Variants in MAGEA11 observed in about 807,000 individuals in gnomAD.
MAGEA11 encodes MAGE family member A11.
MAGEA11 carries 1 observed loss-of-function variant against 8.4 expected under a neutral mutation model. The observed-to-expected ratio is 0.12, with a 90% confidence interval of 0.04 to 0.57. The LOEUF is 0.57. MAGEA11 is among the 20% of genes least tolerant of loss of function. MAGEA11 has a pLI of 0.91. For missense variants in MAGEA11, 209 were observed against 317.3 expected, an observed-to-expected ratio of 0.66 and a Z score of 2.59; for synonymous variants, 127 against 119.3, an observed-to-expected ratio of 1.06 and a Z score of -0.42.
At chrX:149,689,780 C>T (rs1235970017) in intron 1 of MAGEA11, among the ~76,000 whole-genome samples, 2 of 112,781 alleles carry the variant, frequency 1.8e-5, no homozygotes, top group Admixed American at 9.3e-5. Flanking sequence ...AACTGATAGC[C>T]CCCAATCTTT....
At chrX:149,697,742 C>T (rs1671187635) in intron 1 of MAGEA11, among the ~76,000 whole-genome samples, 1 of 111,671 alleles carries the variant, frequency 9.0e-6, no homozygotes, top group African/African-American at 3.3e-5. Flanking sequence ...GCATCCCAGC[C>T]ATGGCTAAAA....
upstream of MAGEA11, chrX:149,711,972 C>T: frequency 7.3e-6 from 5 of 687,197 alleles, no homozygotes; most frequent in Non-Finnish European, 8.6e-6. Flanking sequence ...CCCGCCTCGC[C>T]TCGCCCCGCC....
chrX:149,693,584 G>T (rs1332093203), intron 1 of MAGEA11, among the ~76,000 whole-genome samples: 1 of 111,551 alleles, frequency 9.0e-6, no homozygotes, highest in Non-Finnish European at 1.9e-5. Flanking sequence ...AAAAATACAT[G>T]TACCATAAAT....
intron 1 of MAGEA11, among the ~76,000 whole-genome samples, chrX:149,699,449 C>A (rs1488824625): frequency 8.9e-6 from 1 of 111,843 alleles, no homozygotes; most frequent in Non-Finnish European, 1.9e-5. Flanking sequence ...TTGGTGGCCA[C>A]CCCTAGAAGA....
chrX:149,708,853 A>G (rs1222998682), upstream of MAGEA11, among the ~76,000 whole-genome samples: 1 of 111,401 alleles, frequency 9.0e-6, no homozygotes, highest in East Asian at 2.8e-4. Flanking sequence ...TGGATTGAAG[A>G]TTTTTGATGC....
rs782425216 is a variant in MAGEA11 at position 149,715,912 on chromosome X, A to G, written c.426A>G (p.Gln142=). ...GCCTGGTGGGTGCACAGGCTCTCCA[A>G]GCTGAGGAGCAGGAGGCTGCCTTCT... The part of the protein sequence containing the change: ...DLGLVGAQAL[Q]AEEQEAAFFS... The change falls in exon 5 of 5, where the codon CAA becomes CAG. Residue 142 remains glutamine (Q), a synonymous_variant. Coordinates refer to ENST00000355220, the MANE Select transcript of MAGEA11 (RefSeq NM_005366.5). 4 of 1,209,702 alleles carry G rather than the reference A, an allele frequency of 3.3e-6. No individual in the cohort carries two copies. In the African/African-American group the frequency reaches 7.0e-5, roughly 21 times the overall value.
At chrX:149,707,144 A>G (rs1557361551), upstream of MAGEA11, among the ~76,000 whole-genome samples, 1 of 112,138 alleles carries the variant, frequency 8.9e-6, no homozygotes, top group African/African-American at 3.2e-5. Flanking sequence ...GTTTGGAAAG[A>G]TTGAAAATTC....
At chrX:149,693,849 C>T (rs888524420) in intron 1 of MAGEA11, among the ~76,000 whole-genome samples, 2 of 112,072 alleles carry the variant, frequency 1.8e-5, no homozygotes, top group East Asian at 5.6e-4. Context: ...TGTCTTCTTT[C>T]ACTTACCATA....
At chrX:149,695,995 G>A (rs941006647) in intron 1 of MAGEA11, among the ~76,000 whole-genome samples, 6 of 111,044 alleles carry the variant, frequency 5.4e-5, no homozygotes, top group Non-Finnish European at 1.1e-4. Flanking sequence ...GAAACACCAC[G>A]TCTGGATTAG....
chrX:149,714,309 G>T, intron 2 of MAGEA11, 172 bp from the exon 3 acceptor site: 1 of 676,184 alleles, frequency 1.5e-6, no homozygotes, highest in East Asian at 3.6e-5. Context: ...CATCTCAGGG[G>T]TTGGGAGTCA....
In MAGEA11 at chrX:149,713,093, G is replaced by GC. The variant is rs368893040; in HGVS notation, c.-17-41dup. 6,488 of 795,979 alleles carry GC rather than the reference G, an allele frequency of 8.2e-3. 73 individuals carry two copies. Among genetic ancestry groups the GC allele is most frequent in the African/African-American group, 0.06 (2,856 of 47,700 alleles). 65.6% of individuals were successfully genotyped at this position (795,979 alleles called of 1,213,427 possible). ...TGAAGGGACCCAGCACCCCAGAACA[G>GC]CCCCCCCCCATAGTCCCGCCGTCTC... is the stretch of plus-strand genomic sequence containing the variant. On this transcript the variant is annotated intron_variant, in intron 1 of 4. Transcript: ENST00000355220.
chrX:149,689,093 T>C, intron 1 of MAGEA11: 1 of 713,459 alleles, frequency 1.4e-6, no homozygotes, highest in Non-Finnish European at 2.0e-6. Flanking sequence ...CCAGATGATG[T>C]TCCCAGCTCA....
intron 2 of MAGEA11, 59 bp from the exon 3 acceptor site, chrX:149,714,422 C>A: frequency 1.7e-6 from 2 of 1,184,406 alleles, no homozygotes; most frequent in Non-Finnish European, 2.3e-6. Context: ...CCCTGGACAA[C>A]CACATGATGG....
intron 1 of MAGEA11, among the ~76,000 whole-genome samples, chrX:149,703,502 G>A (rs1340659354): frequency 9.0e-6 from 1 of 111,194 alleles, no homozygotes; most frequent in Admixed American, 9.5e-5. Flanking sequence ...AGAGCTCTGG[G>A]GTGTGAGATT....
upstream of MAGEA11, among the ~76,000 whole-genome samples, chrX:149,688,524 C>T (rs2090295868): frequency 9.0e-6 from 1 of 111,260 alleles, no homozygotes; most frequent in African/African-American, 3.3e-5. Flanking sequence ...GAAGCTGCTT[C>T]GGGAACCAAA....
Position 149,715,649 on chromosome X carries a change from A to G in MAGEA11, c.238A>G (p.Thr80Ala), listed in dbSNP as rs150840682. The change falls in exon 4 of 5, where the codon ACC becomes GCC. Residue 80 changes from threonine (T) to alanine (A), a missense_variant. Physicochemically the swap from Thr to Ala is moderately conservative, Grantham distance 58. Around this residue, in one of 2 missense-constraint regions of MAGEA11, gnomAD observed 131 missense variants for 138.5 expected, o/e 0.95. Transcript: ENST00000355220. The part of the protein sequence containing the change: ...ANLEDRSPRR[T>A]QRITGGEQVL... ...CCTGGAGGACAGGAGTCCCAGGAGA[A>G]CCCAGAGGATCACTGGAGGAGAACA... The G allele has an allele frequency of 5.1e-5, 62 of 1,206,830 alleles. No individual in the cohort carries two copies. Among genetic ancestry groups the G allele is most frequent in the Non-Finnish European group, 6.6e-5 (59 of 892,791 alleles).
chrX:149,692,889 C>G (rs1471609899), intron 1 of MAGEA11, among the ~76,000 whole-genome samples: 1 of 111,796 alleles, frequency 8.9e-6, no homozygotes, highest in Non-Finnish European at 1.9e-5. Context: ...TGCACAAGCT[C>G]TCTCTCTTTT....
At chrX:149,707,334 G>A (rs921038416), upstream of MAGEA11, among the ~76,000 whole-genome samples, 10 of 111,805 alleles carry the variant, frequency 8.9e-5, 1 homozygote, top group Admixed American at 7.6e-4. Flanking sequence ...GTGAGGTAAA[G>A]GGTAGGCACA....
chrX:149,697,101 G>C (rs892989853), intron 1 of MAGEA11, among the ~76,000 whole-genome samples: 3 of 110,612 alleles, frequency 2.7e-5, no homozygotes, highest in African/African-American at 9.9e-5. Flanking sequence ...GGACCTCACT[G>C]TGTGTCCCCA....
Sources: gnomAD v4.1 joint callset for allele counts (sites outside exome capture counted in the v4.1 genomes callset) on GRCh38, gnomAD v4.1.1 for gene constraint, gnomAD v4.1.1 regional missense constraint, MANE v1.5 for transcripts, NCBI Gene and HGNC (gene_info 2026-07-23, HGNC 2026-07-21) for gene names.